SGMS1: variants seen among roughly 807,000 people sequenced by gnomAD.
SGMS1 encodes phosphatidylcholine:ceramide cholinephosphotransferase 1.
SGMS1 carries 13 observed loss-of-function variants against 46.2 expected under a neutral mutation model. That is an observed-to-expected ratio of 0.28 (90% CI 0.18 to 0.45). The LOEUF is 0.45. Among genes scored for constraint, SGMS1 ranks in the 20% least tolerant of loss-of-function variants. SGMS1 has a pLI of 1.00. For synonymous variants in SGMS1, 203 were observed against 187.8 expected (o/e 1.08, Z -0.66); for missense variants, 324 against 519.9 (o/e 0.62, Z 3.66).
chr10:50,526,166 C>A (rs2133796104), intron 2 of SGMS1, among the ~76,000 whole-genome samples: 1 of 152,296 alleles, frequency 6.6e-6, no homozygotes, highest in East Asian at 1.9e-4. Flanking sequence ...GTTTAACTGA[C>A]TCACAGTTCC....
At chr10:50,612,427 T>C (rs1024092952) in intron 1 of SGMS1, among the ~76,000 whole-genome samples, 2 of 152,126 alleles carry the variant, frequency 1.3e-5, no homozygotes, top group African/African-American at 4.8e-5. Context: ...CTGGGGAAGG[T>C]AGTGCTGAAA....
chr10:50,464,872 C>T (rs775661658), intron 4 of SGMS1, among the ~76,000 whole-genome samples: 47 of 152,298 alleles, frequency 3.1e-4, no homozygotes, highest in Non-Finnish European at 4.9e-4. Flanking sequence ...CAGATCCTCT[C>T]CCTCACCTGG....
intron 8 of SGMS1, among the ~76,000 whole-genome samples, chr10:50,326,551 T>A (rs1847535040): frequency 6.6e-6 from 1 of 152,310 alleles, no homozygotes; most frequent in South Asian, 2.1e-4. Flanking sequence ...ACATAAATAT[T>A]TTAACAATAA....
chr10:50,593,124 GAT>G (rs1838558389), intron 1 of SGMS1, among the ~76,000 whole-genome samples: 2 of 152,228 alleles, frequency 1.3e-5, no homozygotes, highest in South Asian at 4.1e-4. Flanking sequence ...GCTCTGCAGA[GAT>G]ACACGTGGGA....
chr10:50,354,757 C>G (rs1360533137), intron 6 of SGMS1, among the ~76,000 whole-genome samples: 2 of 152,134 alleles, frequency 1.3e-5, no homozygotes, highest in African/African-American at 4.8e-5. Context: ...AAAAAACAAA[C>G]AACCCCATCA....
intron 3 of SGMS1, among the ~76,000 whole-genome samples, chr10:50,482,432 G>A (rs956766788): frequency 6.6e-6 from 1 of 152,048 alleles, no homozygotes. Flanking sequence ...AGCTTCATAA[G>A]CAAAGGAAAA....
chr10:50,328,196 C>A, intron 7 of SGMS1: 1 of 260,794 alleles, frequency 3.8e-6, no homozygotes, highest in Non-Finnish European at 7.5e-6. Context: ...GTTTGTTCAA[C>A]TTAACCTCAT....
intron 6 of SGMS1, among the ~76,000 whole-genome samples, chr10:50,378,836 C>T (rs1174771364): frequency 1.3e-5 from 2 of 152,104 alleles, no homozygotes; most frequent in Non-Finnish European, 2.9e-5. Flanking sequence ...ACAGTGTCCA[C>T]AAAAATGACA....
chr10:50,560,661 T>C lies in SGMS1; in HGVS notation c.-589+29492A>G, dbSNP rs186640041. Among the ~76,000 whole-genome samples, 98 of 148,534 alleles carry C rather than the reference T, an allele frequency of 6.6e-4. 3 individuals are homozygous for C. In the East Asian group the frequency reaches 0.019, roughly 28 times the overall value. On this transcript the variant is annotated intron_variant, in intron 2 of 10. Coordinates refer to ENST00000361781, the MANE Select transcript of SGMS1 (RefSeq NM_147156.4). ...AATATATAATATGTAATATAGTATA[T>C]GTTACACATATTACATAATATATGT...
chr10:50,557,639 G>A (rs1218589043), intron 2 of SGMS1, among the ~76,000 whole-genome samples: 1 of 136,784 alleles, frequency 7.3e-6, no homozygotes, highest in African/African-American at 2.7e-5. Context: ...ATTAGAACCT[G>A]ATATAAAATC....
intron 3 of SGMS1, among the ~76,000 whole-genome samples, chr10:50,490,460 G>GCTAAATGTCCTGAAATGTGTGGGAAAAGC: frequency 6.6e-6 from 1 of 152,302 alleles, no homozygotes; most frequent in South Asian, 2.1e-4. Context: ...GTCCAAGGTA[G>GCTAAATGTCCTGAAATGTGTGGGAAAAGC]CTAAATGTCC....
chr10:50,501,809 T>C (rs1229535084), intron 3 of SGMS1, among the ~76,000 whole-genome samples: 1 of 152,202 alleles, frequency 6.6e-6, no homozygotes, highest in Non-Finnish European at 1.5e-5. Context: ...GATGTTAAAA[T>C]TCATGGTATC....
At chr10:50,391,471 C>T (rs1224513662) in intron 6 of SGMS1, among the ~76,000 whole-genome samples, 1 of 152,068 alleles carries the variant, frequency 6.6e-6, no homozygotes, top group Non-Finnish European at 1.5e-5. Flanking sequence ...CACAATAATA[C>T]CATCTCACAC....
chr10:50,453,715 C>T (rs1451520743), intron 5 of SGMS1, among the ~76,000 whole-genome samples: 1 of 144,560 alleles, frequency 6.9e-6, no homozygotes, highest in East Asian at 2.1e-4. Context: ...AATATTTAGG[C>T]CCAGAAAACC....
intron 3 of SGMS1, among the ~76,000 whole-genome samples, chr10:50,489,770 TC>T (rs1337462778): frequency 1.3e-5 from 2 of 152,026 alleles, no homozygotes; most frequent in African/African-American, 4.8e-5. Context: ...GGTCAGGAGT[TC>T]AAGACCAGCC....
At chr10:50,427,934 A>G (rs992757751) in intron 6 of SGMS1, among the ~76,000 whole-genome samples, 3 of 152,180 alleles carry the variant, frequency 2.0e-5, no homozygotes, top group East Asian at 1.9e-4. Context: ...AGGGAACTCT[A>G]TCCCTCGAGA....
At chr10:50,375,509 G>A (rs1848510870) in intron 6 of SGMS1, among the ~76,000 whole-genome samples, 1 of 152,184 alleles carries the variant, frequency 6.6e-6, no homozygotes, top group South Asian at 2.1e-4. Flanking sequence ...AGTTGGCCAA[G>A]GCACAAATCT....
At chr10:50,388,286 T>G (rs887315543) in intron 6 of SGMS1, among the ~76,000 whole-genome samples, 3 of 152,070 alleles carry the variant, frequency 2.0e-5, no homozygotes, top group African/African-American at 7.2e-5. Flanking sequence ...TGTTATGTAC[T>G]CAAAATGTTA....
intron 2 of SGMS1, among the ~76,000 whole-genome samples, chr10:50,564,372 T>C (rs912156800): frequency 6.6e-6 from 1 of 152,212 alleles, no homozygotes; most frequent in Non-Finnish European, 1.5e-5. Flanking sequence ...ATTTGTTTTA[T>C]ATTCTTTAAA....
Sources: gnomAD v4.1 joint callset for allele counts (sites outside exome capture counted in the v4.1 genomes callset) on GRCh38, gnomAD v4.1.1 for gene constraint, MANE v1.5 for transcripts, NCBI Gene and HGNC (gene_info 2026-07-23, HGNC 2026-07-21) for gene names.